The following NRCAM variants were observed in gnomAD, a reference collection of about 807,000 sequenced individuals.
NRCAM encodes NgCAM-related cell adhesion molecule.
Under a neutral mutation model 156.5 loss-of-function variants are expected in NRCAM, and 83 were observed. The observed-to-expected ratio is 0.53, with a 90% CI of 0.44 to 0.64. The LOEUF is 0.64. NRCAM is among the 30% of genes least tolerant of loss of function. NRCAM has a pLI of 0.00. For synonymous variants in NRCAM, 538 were observed against 563.9 expected, an observed-to-expected ratio of 0.95 and a Z score of 0.65; for missense variants, 1,417 against 1,597.3, an observed-to-expected ratio of 0.89 and a Z score of 1.92.
At chr7:108,324,971 A>G (rs1255580551) in intron 2 of NRCAM, among the ~76,000 whole-genome samples, 2 of 138,768 alleles carry the variant, frequency 1.4e-5, no homozygotes, top group Non-Finnish European at 3.0e-5. Flanking sequence ...TGAGGCCCTG[A>G]TTACTTAAAA....
At chr7:108,240,873 C>T (rs1562906936) in intron 3 of NRCAM, among the ~76,000 whole-genome samples, 1 of 152,124 alleles carries the variant, frequency 6.6e-6, no homozygotes, top group Non-Finnish European at 1.5e-5. Flanking sequence ...TCCTACAAAC[C>T]TGATTTCCTT....
At chr7:108,276,588 G>A (rs979082283) in intron 3 of NRCAM, among the ~76,000 whole-genome samples, 7 of 151,610 alleles carry the variant, frequency 4.6e-5, no homozygotes, top group African/African-American at 1.7e-4. Flanking sequence ...CGTTTGCTTG[G>A]TAGATCTTCC....
intron 2 of NRCAM, among the ~76,000 whole-genome samples, chr7:108,385,253 C>T (rs183570110): frequency 3.3e-5 from 5 of 152,174 alleles, no homozygotes; most frequent in African/African-American, 1.2e-4. Context: ...GTAGAGATCA[C>T]TGCTGCTGTA....
At chr7:108,385,319 A>G (rs1479488044) in intron 2 of NRCAM, among the ~76,000 whole-genome samples, 1 of 152,218 alleles carries the variant, frequency 6.6e-6, no homozygotes, top group Non-Finnish European at 1.5e-5. Context: ...CCTACAGTCT[A>G]ATAACACCAC....
At chr7:108,378,816 GA>G (rs1326036341) in intron 2 of NRCAM, among the ~76,000 whole-genome samples, 1 of 150,812 alleles carries the variant, frequency 6.6e-6, no homozygotes, top group Non-Finnish European at 1.5e-5. Flanking sequence ...AAAGTAGGAA[GA>G]AAGAATAGAA....
In NRCAM at chr7:108,189,705, G is replaced by A; in HGVS notation, c.1975C>T (p.Leu659Phe). Residue 659 changes from leucine to phenylalanine, a missense_variant, in exon 20 of 33, where the codon CTT (leucine) becomes TTT (phenylalanine). By Grantham distance (22) the Leu-to-Phe change is conservative (BLOSUM62 0). Coordinates refer to ENST00000379028, the MANE Select transcript of NRCAM (RefSeq NM_001037132.4). ...PPFDLELTDQ[L>F]DKSVQLSWTP... ...CATGACAGCTGAACACTTTTGTCAA[G>A]TTGATCTGTCAGTTCTAAGTCAAAG... 1 of 1,558,700 alleles carries A rather than the reference G, an allele frequency of 6.4e-7. No homozygotes were observed. Among genetic ancestry groups the A allele is most frequent in the East Asian group, 2.3e-5 (1 of 44,326 alleles).
chr7:108,174,521 C>G (rs939093954), intron 28 of NRCAM, among the ~76,000 whole-genome samples: 2 of 152,226 alleles, frequency 1.3e-5, no homozygotes, highest in Non-Finnish European at 2.9e-5. Flanking sequence ...AAAAAGCTGA[C>G]TGGTCAACCA....
intron 17 of NRCAM, among the ~76,000 whole-genome samples, chr7:108,192,117 T>C (rs768749798): frequency 6.6e-6 from 1 of 152,208 alleles, no homozygotes; most frequent in Non-Finnish European, 1.5e-5. Context: ...CCCCAAACCC[T>C]GGGCCAAGAA....
intron 11 of NRCAM, among the ~76,000 whole-genome samples, chr7:108,210,396 G>A (rs1056834398): frequency 5.3e-5 from 8 of 152,048 alleles, no homozygotes; most frequent in East Asian, 1.9e-4. Flanking sequence ...ACAGGTGCCC[G>A]CCACCATGCC....
chr7:108,165,269 C>T (rs435533), intron 30 of NRCAM, among the ~76,000 whole-genome samples: 140,428 of 152,180 alleles, frequency 0.92, 64,826 homozygotes, highest in East Asian at 1. Context: ...CTTCTGGAGA[C>T]GGAACGACAA....
At chr7:108,269,877 A>C (rs1326695971) in intron 3 of NRCAM, among the ~76,000 whole-genome samples, 1 of 152,204 alleles carries the variant, frequency 6.6e-6, no homozygotes. Context: ...GAGTAAATGA[A>C]ATTTTCTAGC....
intron 1 of NRCAM, among the ~76,000 whole-genome samples, chr7:108,402,035 TG>T (rs1201965696): frequency 8.5e-5 from 13 of 152,238 alleles, no homozygotes; most frequent in African/African-American, 3.1e-4. Context: ...CTTTGGATGC[TG>T]AGATTTAACT....
chr7:108,425,126 G>T (rs368348738), intron 1 of NRCAM, among the ~76,000 whole-genome samples: 2 of 152,078 alleles, frequency 1.3e-5, no homozygotes, highest in African/African-American at 4.8e-5. Context: ...ATTTTCTGGG[G>T]TGAGATGTCA....
chr7:108,207,732 A>G (rs575213456), intron 12 of NRCAM, 73 bp from the exon 13 acceptor site: 367 of 1,303,390 alleles, frequency 2.8e-4, no homozygotes, highest in Non-Finnish European at 3.8e-4. Flanking sequence ...ATATTGAACT[A>G]TTTTAATAAT....
At chr7:108,210,264 TGAGA>T (rs2083428727) in intron 11 of NRCAM, among the ~76,000 whole-genome samples, 1 of 151,416 alleles carries the variant, frequency 6.6e-6, no homozygotes, top group African/African-American at 2.4e-5. Flanking sequence ...TTTTTTTTTT[TGAGA>T]TGGAGTCTTG....
Position 108,189,861 on chromosome 7 carries a change from C to T in NRCAM, c.1934-115G>A, listed in dbSNP as rs73725375. The T allele has an allele frequency of 2.3e-3, 1,289 of 572,414 alleles. 20 individuals carry two copies. The highest frequency in any genetic ancestry group is 0.022 in the African/African-American group (1,127 of 51,924). 35.5% of individuals were successfully genotyped at this position (572,414 alleles called of 1,614,324 possible). ...TTAAAGACACAGCACACTTGATAGT[C>T]AATGAGCATGCAACTGAAAGGAAAT... On this transcript the variant is annotated intron_variant, in intron 19 of 32. Coordinates refer to ENST00000379028, the MANE Select transcript of NRCAM (RefSeq NM_001037132.4).
intron 1 of NRCAM, among the ~76,000 whole-genome samples, chr7:108,416,381 C>T (rs140266673): frequency 0.014 from 2,107 of 152,174 alleles, 32 homozygotes; most frequent in Non-Finnish European, 0.02. Context: ...AACTGCCTCA[C>T]GGGGGAAAAG....
At chr7:108,301,004 C>CACA (rs1287314286) in intron 3 of NRCAM, among the ~76,000 whole-genome samples, 1 of 151,918 alleles carries the variant, frequency 6.6e-6, no homozygotes, top group Non-Finnish European at 1.5e-5. Flanking sequence ...CAGCAAACTA[C>CACA]ACAACATTCT....
At chr7:108,236,080 C>T (rs994293073) in intron 5 of NRCAM, among the ~76,000 whole-genome samples, 4 of 152,132 alleles carry the variant, frequency 2.6e-5, no homozygotes, top group African/African-American at 7.2e-5. Context: ...CTTTGTGAAA[C>T]TTCTTCCACT....
Sources: gnomAD v4.1 joint callset for allele counts (sites outside exome capture counted in the v4.1 genomes callset) on GRCh38, gnomAD v4.1.1 for gene constraint, MANE v1.5 for transcripts, NCBI Gene and HGNC (gene_info 2026-07-23, HGNC 2026-07-21) for gene names.